The following ABCB1 variants were observed in gnomAD, a reference collection of about 807,000 sequenced individuals.
The protein encoded by ABCB1 is ATP-dependent translocase ABCB1.
In ABCB1, 69 loss-of-function variants were observed where a neutral mutation model predicts 142.0. That is an observed-to-expected ratio of 0.49 (90% CI 0.40 to 0.59). ABCB1 has a LOEUF of 0.59. Among genes scored for constraint, ABCB1 ranks in the 20% least tolerant of loss-of-function variants. The pLI is 0.00. For missense variants in ABCB1, 1,326 were observed against 1,554.7 expected, an observed-to-expected ratio of 0.85 and a Z score of 2.47; for synonymous variants, 532 against 539.2, an observed-to-expected ratio of 0.99 and a Z score of 0.18.
rs28381832 is a variant in ABCB1 at position 87,583,813 on chromosome 7, G to C, written c.286+1699C>G. ...AAATTTATTTCCCACAGTTCTGAAG[G>C]CTGGGAAGTCATTAAAAAGTGAGCA... On this transcript the variant is annotated intron_variant, in intron 4 of 27. Transcript: ENST00000622132. Among the ~76,000 whole-genome samples, 915 of 152,272 alleles carry C rather than the reference G, an allele frequency of 6.0e-3. 6 individuals carry two copies. The highest frequency in any genetic ancestry group is 0.021 in the African/African-American group (858 of 41,566).
At chr7:87,622,090 G>A (rs1289965477) in intron 1 of ABCB1, among the ~76,000 whole-genome samples, 3 of 151,584 alleles carry the variant, frequency 2.0e-5, no homozygotes, top group Admixed American at 2.0e-4. Context: ...AATGATCAAA[G>A]GAAAAACCAA....
At chr7:87,578,132 G>T (rs138865825) in intron 4 of ABCB1, among the ~76,000 whole-genome samples, 243 of 152,252 alleles carry the variant, frequency 1.6e-3, no homozygotes, top group African/African-American at 5.6e-3. Context: ...TCATTTTTAT[G>T]CATATGGATA....
chr7:87,647,753 C>A (rs2035743849), intron 1 of ABCB1, among the ~76,000 whole-genome samples: 1 of 151,858 alleles, frequency 6.6e-6, no homozygotes, highest in Non-Finnish European at 1.5e-5. Context: ...ACATAACTAA[C>A]AAATACACAT....
At chr7:87,577,442 G>C (rs949573587) in intron 4 of ABCB1, among the ~76,000 whole-genome samples, 3 of 152,138 alleles carry the variant, frequency 2.0e-5, no homozygotes, top group African/African-American at 4.8e-5. Context: ...GGGATAACTG[G>C]ATCATATGGT....
chr7:87,644,775 A>G (rs1425595436), intron 1 of ABCB1, among the ~76,000 whole-genome samples: 1 of 151,966 alleles, frequency 6.6e-6, no homozygotes, highest in East Asian at 1.9e-4. Flanking sequence ...ATATATATAT[A>G]TTAATGCAGA....
intron 27 of ABCB1, 145 bp from the exon 28 acceptor site, chr7:87,504,594 G>T: frequency 9.6e-7 from 1 of 1,046,488 alleles, no homozygotes; most frequent in Non-Finnish European, 1.4e-6. Flanking sequence ...AGATCACAAG[G>T]TCAGATTGAG....
chr7:87,617,590 T>C (rs894510598), intron 1 of ABCB1, among the ~76,000 whole-genome samples: 5 of 152,192 alleles, frequency 3.3e-5, no homozygotes, highest in African/African-American at 1.2e-4. Context: ...ACTAAAGTTT[T>C]AAAACAAGAA....
At chr7:87,677,088 A>G (rs1234929424) in intron 1 of ABCB1, among the ~76,000 whole-genome samples, 1 of 152,174 alleles carries the variant, frequency 6.6e-6, no homozygotes. Context: ...AAAAATTACA[A>G]GTAGAACTGC....
At chr7:87,562,459 T>C (rs1817599405) in intron 7 of ABCB1, among the ~76,000 whole-genome samples, 1 of 152,134 alleles carries the variant, frequency 6.6e-6, no homozygotes, top group Non-Finnish European at 1.5e-5. Flanking sequence ...AGGAGGCTCA[T>C]ACAACATGCT....
intron 1 of ABCB1, among the ~76,000 whole-genome samples, chr7:87,639,328 C>T (rs1375371700): frequency 6.6e-6 from 1 of 152,074 alleles, no homozygotes; most frequent in Non-Finnish European, 1.5e-5. Context: ...TGGTTAATTT[C>T]AACATATATT....
At chr7:87,541,877 T>C (rs28381935) in intron 17 of ABCB1, among the ~76,000 whole-genome samples, 1 of 151,954 alleles carries the variant, frequency 6.6e-6, no homozygotes, top group African/African-American at 2.4e-5. Flanking sequence ...AACCACAGAG[T>C]GGTGGTCATT....
At chr7:87,691,782 C>T (rs1828038709) in intron 1 of ABCB1, among the ~76,000 whole-genome samples, 1 of 152,198 alleles carries the variant, frequency 6.6e-6, no homozygotes, top group South Asian at 2.1e-4. Context: ...GGAAATACAA[C>T]TGACTAATTA....
At chr7:87,644,764 G>GATAT (rs147569892) in intron 1 of ABCB1, among the ~76,000 whole-genome samples, 8 of 150,924 alleles carry the variant, frequency 5.3e-5, no homozygotes, top group Non-Finnish European at 1.2e-4. Flanking sequence ...TGTATATATG[G>GATAT]ATATATATAT....
rs139750664 is a variant in ABCB1 at position 87,504,377 on chromosome 7, T to C, written c.3709A>G (p.Ile1237Val). 3.8e-5 allele frequency: 62 copies of C among 1,614,130 alleles called. No individual in the cohort carries two copies. Among genetic ancestry groups the C allele is most frequent in the Non-Finnish European group, 5.2e-5 (61 of 1,179,988 alleles). The change falls in exon 28 of 28, where the codon ATC becomes GTC. Residue 1237 changes from isoleucine (I) to valine (V), a missense_variant. Ile to Val is a conservative substitution (Grantham distance 29). Transcript: ENST00000622132. ...ACCACTATTAAGTCTGCATTCTGGA[T>C]GGTGGACAGGCGGTGAGCAATCACA... Reference protein sequence around the residue: ...CIVIAHRLSTIQNADLIVVFQ... With the variant: ...CIVIAHRLSTVQNADLIVVFQ...
Position 87,515,233 on chromosome 7 carries a change from C to T in ABCB1, c.3280G>A (p.Val1094Met), listed in dbSNP as rs768927661. Residue 1094 changes from valine to methionine, a missense_variant and splice_region_variant, in exon 25 of 28, where the codon GTG (valine) becomes ATG (methionine). By Grantham distance (21) the Val-to-Met change is conservative. Coordinates refer to ENST00000622132, the MANE Select transcript of ABCB1 (RefSeq NM_001348946.2). ...ERFYDPLAGK[V>M]LLDGKEIKRL... ...GCTAAATGTGAAAGTGTGCTCACCA[C>T]TTTCCCTGCCAAGGGGTCGTAGAAC... The T allele has an allele frequency of 3.1e-6, 5 of 1,613,514 alleles. No individual in the cohort carries two copies. In the African/African-American group the frequency reaches 5.3e-5, roughly 17 times the overall value.
At position 87,593,452 on chromosome 7, in the gene ABCB1, A is replaced by T. The variant is rs879878331; in HGVS notation, c.117+2314T>A. 1.2e-4 allele frequency among the ~76,000 whole-genome samples: 18 copies of T among 152,216 alleles called. No homozygotes were observed. In the South Asian group the frequency reaches 1.2e-3, roughly 10 times the overall value. ...CTAAAAAATCTCATAGTGGAAATAA[A>T]TTAACAGACATTGTGTGCAGACAAG... On this transcript the variant is annotated intron_variant, in intron 3 of 27. Coordinates refer to ENST00000622132, the MANE Select transcript of ABCB1 (RefSeq NM_001348946.2).
At position 87,648,070 on chromosome 7, in the gene ABCB1, A is replaced by G. The variant is rs563693993; in HGVS notation, c.-330-46992T>C. On this transcript the variant is annotated intron_variant, in intron 1 of 28. Transcript: ENST00000265724. The stretch of plus-strand genomic sequence containing the variant: ...CTTGGTGGTGGGCGCCTGTAGTCCC[A>G]GCTACTCAGGAGGCTGAGGCAGGAG... Among the ~76,000 whole-genome samples, 7 of 151,924 alleles carry G rather than the reference A, an allele frequency of 4.6e-5. No homozygotes were observed. The South Asian group carries it at 1.5e-3, about 32-fold the overall frequency.
At chr7:87,634,498 G>GA (rs1166455394) in intron 1 of ABCB1, among the ~76,000 whole-genome samples, 1 of 137,072 alleles carries the variant, frequency 7.3e-6, no homozygotes, top group African/African-American at 2.6e-5. Context: ...GGGGGGTGGG[G>GA]GGGGGGGCAC....
chr7:87,596,084 A>G (rs1819196523), intron 2 of ABCB1, among the ~76,000 whole-genome samples: 1 of 151,998 alleles, frequency 6.6e-6, no homozygotes, highest in Non-Finnish European at 1.5e-5. Context: ...ATATTTCCTG[A>G]TTTGCTATGA....
Sources: gnomAD v4.1 joint callset for allele counts (sites outside exome capture counted in the v4.1 genomes callset) on GRCh38, gnomAD v4.1.1 for gene constraint, MANE v1.5 for transcripts, NCBI Gene and HGNC (gene_info 2026-07-23, HGNC 2026-07-21) for gene names.